RANBP17: variants seen among roughly 807,000 people sequenced by gnomAD.
RANBP17 encodes the protein ran-binding protein 17.
Under a neutral mutation model 141.2 loss-of-function variants are expected in RANBP17, and 158 were observed. That is an observed-to-expected ratio of 1.12 (90% CI 0.98 to 1.28). The LOEUF (loss-of-function observed/expected upper bound fraction) is 1.28. Ranked by LOEUF, RANBP17 falls within the 50% of genes most tolerant of loss-of-function variation. The pLI, the probability that RANBP17 is intolerant of heterozygous loss-of-function variation, is 0.00. For missense variants in RANBP17, 1,438 were observed against 1,290.7 expected, an observed-to-expected ratio of 1.11 and a Z score of -1.75; for synonymous variants, 430 against 450.0, an observed-to-expected ratio of 0.96 and a Z score of 0.56.
At chr5:171,281,715 T>C (rs993502759) in intron 25 of RANBP17, among the ~76,000 whole-genome samples, 4 of 152,290 alleles carry the variant, frequency 2.6e-5, no homozygotes, top group Non-Finnish European at 5.9e-5. Flanking sequence ...TCAATAAGTA[T>C]GAAGTTACAT....
rs1204782497 is a variant in RANBP17, at chr5:171,013,851, T to C, written c.1710+45474T>C. Among the ~76,000 whole-genome samples, 6 of 152,174 alleles carry C rather than the reference T, an allele frequency of 3.9e-5. No individual in the cohort carries two copies. The East Asian group carries it at 1.2e-3, about 29-fold the overall frequency. ...CACTGAAGTTACAGATCAATTTGTCTTAAAATTTGACATTTTAAGAATATT... is the reference window on the plus strand; with the variant it reads ...CACTGAAGTTACAGATCAATTTGTCCTAAAATTTGACATTTTAAGAATATT... On this transcript the variant is annotated intron_variant, in intron 14 of 27. Transcript: ENST00000523189.
intron 25 of RANBP17, among the ~76,000 whole-genome samples, chr5:171,288,660 T>C (rs1768308068): frequency 6.6e-6 from 1 of 152,216 alleles, no homozygotes; most frequent in Non-Finnish European, 1.5e-5. Flanking sequence ...CCATGGTTAG[T>C]TGAGAATTAG....
At chr5:171,182,469 C>T (rs1167194957) in intron 16 of RANBP17, among the ~76,000 whole-genome samples, 1 of 152,210 alleles carries the variant, frequency 6.6e-6, no homozygotes, top group Non-Finnish European at 1.5e-5. Context: ...CAGTTCAAAT[C>T]TCAGCACTGT....
intron 14 of RANBP17, among the ~76,000 whole-genome samples, chr5:171,108,778 G>A (rs1755023331): frequency 6.6e-6 from 1 of 152,094 alleles, no homozygotes. Context: ...TCAGAAAAAT[G>A]GCTGACTGAA....
At chr5:171,243,836 G>A (rs925981706) in intron 24 of RANBP17, among the ~76,000 whole-genome samples, 3 of 152,160 alleles carry the variant, frequency 2.0e-5, no homozygotes, top group Admixed American at 6.5e-5. Context: ...CACTTTGGGA[G>A]GCTGAGGCGG....
rs992323330 is a variant in RANBP17 at position 170,934,942 on chromosome 5, C to A, written c.1468+10392C>A. 8.5e-5 allele frequency among the ~76,000 whole-genome samples: 13 copies of A among 152,278 alleles called. No individual in the cohort carries two copies. In the East Asian group the frequency reaches 2.5e-3, roughly 29 times the overall value. On this transcript the variant is annotated intron_variant, in intron 12 of 27. Coordinates refer to ENST00000523189, the MANE Select transcript of RANBP17 (RefSeq NM_022897.5). ...TTCTCCCTGTCACTTTCAGGTATACCAGTCAGACGTAGATTTGGTCTTTTC... is the reference window on the plus strand; with the variant it reads ...TTCTCCCTGTCACTTTCAGGTATACAAGTCAGACGTAGATTTGGTCTTTTC...
intron 14 of RANBP17, among the ~76,000 whole-genome samples, chr5:171,021,716 T>G (rs1158054686): frequency 1.3e-5 from 2 of 152,228 alleles, no homozygotes; most frequent in East Asian, 1.9e-4. Context: ...AGTTGGAACA[T>G]GCTCTTTTAG....
chr5:171,033,410 C>T (rs575753648), intron 14 of RANBP17, among the ~76,000 whole-genome samples: 6 of 152,122 alleles, frequency 3.9e-5, no homozygotes, highest in South Asian at 4.2e-4. Flanking sequence ...AAATATACTG[C>T]GTCCATATTA....
At chr5:171,296,953 A>C (rs1768858617) in intron 27 of RANBP17, among the ~76,000 whole-genome samples, 1 of 152,188 alleles carries the variant, frequency 6.6e-6, no homozygotes, top group Non-Finnish European at 1.5e-5. Flanking sequence ...GTTTTTAAAG[A>C]TATTTTATAT....
At chr5:170,942,909 G>A (rs1168198799) in intron 12 of RANBP17, among the ~76,000 whole-genome samples, 1 of 152,084 alleles carries the variant, frequency 6.6e-6, no homozygotes, top group African/African-American at 2.4e-5. Context: ...GTATTACATA[G>A]GACTATCTCT....
At chr5:170,925,895 A>T (rs1296957744) in intron 12 of RANBP17, among the ~76,000 whole-genome samples, 1 of 152,248 alleles carries the variant, frequency 6.6e-6, no homozygotes, top group African/African-American at 2.4e-5. Flanking sequence ...TTTCAGTACC[A>T]TGCACTGTTA....
intron 16 of RANBP17, among the ~76,000 whole-genome samples, chr5:171,179,650 A>G (rs1318670571): frequency 6.6e-6 from 1 of 152,184 alleles, no homozygotes; most frequent in Admixed American, 6.5e-5. Context: ...GTACACTAAT[A>G]TAATTCTAAA....
intron 13 of RANBP17, 122 bp from the exon 14 acceptor site, chr5:170,968,120 T>C: frequency 1.5e-6 from 1 of 655,402 alleles, no homozygotes; most frequent in Non-Finnish European, 2.4e-6. Flanking sequence ...TTTCTTTATA[T>C]TTTTTTATTT....
intron 14 of RANBP17, among the ~76,000 whole-genome samples, chr5:171,064,806 T>C (rs1784200052): frequency 6.6e-6 from 1 of 151,956 alleles, no homozygotes; most frequent in Non-Finnish European, 1.5e-5. Flanking sequence ...CAGACATGAG[T>C]GACCATGCCC....
intron 14 of RANBP17, among the ~76,000 whole-genome samples, chr5:171,144,258 G>A (rs1463014130): frequency 6.6e-6 from 1 of 152,028 alleles, no homozygotes; most frequent in East Asian, 1.9e-4. Flanking sequence ...TTACTCAGGA[G>A]GCCGAGGTGA....
rs555306740 is a variant in RANBP17 at position 171,112,740 on chromosome 5, T to C, written c.1711-57390T>C. ...AATATCCTTTGTTTCCATGGTATAA[T>C]CTTACTTTCCTTTTAAGTATCTGCC... On this transcript the variant is annotated intron_variant, in intron 14 of 27. Transcript: ENST00000523189. 1.8e-4 allele frequency among the ~76,000 whole-genome samples: 27 copies of C among 152,066 alleles called. 2 individuals carry two copies. In the South Asian group the frequency reaches 5.6e-3, roughly 32 times the overall value.
chr5:171,029,368 A>C (rs960360543), intron 14 of RANBP17, among the ~76,000 whole-genome samples: 1 of 152,150 alleles, frequency 6.6e-6, no homozygotes, highest in Non-Finnish European at 1.5e-5. Context: ...AAGAGTTTAG[A>C]ACAACTTAAA....
intron 18 of RANBP17, among the ~76,000 whole-genome samples, chr5:171,195,189 T>G (rs1278455012): frequency 6.6e-6 from 1 of 152,210 alleles, no homozygotes; most frequent in Non-Finnish European, 1.5e-5. Flanking sequence ...TCTGTACCTT[T>G]GTCTTATTAA....
intron 14 of RANBP17, among the ~76,000 whole-genome samples, chr5:170,997,796 A>G (rs1363353683): frequency 6.6e-6 from 1 of 152,150 alleles, no homozygotes; most frequent in Non-Finnish European, 1.5e-5. Context: ...ATATAATAAG[A>G]TCTCAACTGT....
Sources: allele counts gnomAD v4.1 joint callset (sites outside exome capture counted in the v4.1 genomes callset), GRCh38; gene constraint gnomAD v4.1.1; transcripts MANE v1.5; gene names NCBI Gene and HGNC (gene_info 2026-07-23, HGNC 2026-07-21).